The following PPM1E variants were observed in gnomAD, a reference collection of about 807,000 sequenced individuals.
PPM1E encodes protein phosphatase, Mg2+/Mn2+ dependent 1E, also known as protein phosphatase 1E.
Under a neutral mutation model 65.9 loss-of-function variants are expected in PPM1E, and 20 were observed. The ratio of observed to expected loss-of-function variants is 0.30; its 90% CI spans 0.21 to 0.44. PPM1E has a LOEUF of 0.44. PPM1E is among the 20% of genes least tolerant of loss of function. The pLI is 1.00. For missense variants in PPM1E, 713 were observed against 953.1 expected (o/e 0.75, Z 3.32); for synonymous variants, 352 against 374.9 (o/e 0.94, Z 0.70).
At chr17:58,829,083 C>T (rs1027503564) in intron 1 of PPM1E, among the ~76,000 whole-genome samples, 3 of 151,820 alleles carry the variant, frequency 2.0e-5, no homozygotes, top group African/African-American at 7.3e-5. Flanking sequence ...ACTCTAGTTG[C>T]CCCGGCTGGA....
intron 1 of PPM1E, among the ~76,000 whole-genome samples, chr17:58,921,579 G>C (rs1031347599): frequency 1.3e-5 from 2 of 151,482 alleles, no homozygotes; most frequent in African/African-American, 4.9e-5. Flanking sequence ...TAGGAGGATC[G>C]CTTGAACCTG....
intron 1 of PPM1E, among the ~76,000 whole-genome samples, chr17:58,865,592 C>T (rs1281252003): frequency 1.3e-5 from 2 of 151,426 alleles, no homozygotes; most frequent in Non-Finnish European, 2.9e-5. Context: ...TCGATTTACT[C>T]AGAAGGCTGA....
At chr17:58,788,375 C>A (rs2050124436) in intron 1 of PPM1E, among the ~76,000 whole-genome samples, 2 of 152,128 alleles carry the variant, frequency 1.3e-5, no homozygotes, top group Admixed American at 6.5e-5. Flanking sequence ...AGAGTGTATA[C>A]AGATTAACAA....
At chr17:58,770,031 AAACAACAAC>A (rs572541684) in intron 1 of PPM1E, among the ~76,000 whole-genome samples, 1 of 152,050 alleles carries the variant, frequency 6.6e-6, no homozygotes, top group Non-Finnish European at 1.5e-5. Context: ...TATCTAAAAA[AAACAACAAC>A]AACAAGAAAA....
chr17:58,946,978 G>T (rs982217916), intron 1 of PPM1E, among the ~76,000 whole-genome samples: 6 of 151,868 alleles, frequency 4.0e-5, no homozygotes, highest in Admixed American at 2.0e-4. Context: ...TTAGGTCTGT[G>T]ATGCATTTGG....
chr17:58,828,946 A>G (rs566920609), intron 1 of PPM1E, among the ~76,000 whole-genome samples: 1 of 152,314 alleles, frequency 6.6e-6, no homozygotes, highest in East Asian at 1.9e-4. Context: ...CAGTATAATC[A>G]TACCACAACT....
At chr17:58,772,328 C>G (rs550822702) in intron 1 of PPM1E, among the ~76,000 whole-genome samples, 1 of 151,976 alleles carries the variant, frequency 6.6e-6, no homozygotes, top group East Asian at 1.9e-4. Context: ...TGGTGGCGTG[C>G]GCCTGTAGCC....
intron 1 of PPM1E, among the ~76,000 whole-genome samples, chr17:58,885,741 T>C (rs558571077): frequency 6.6e-6 from 1 of 152,322 alleles, no homozygotes; most frequent in African/African-American, 2.4e-5. Flanking sequence ...TTTCTATCTA[T>C]CTGTCCTACG....
chr17:58,849,920 CTT>C (rs1330126612), intron 1 of PPM1E, among the ~76,000 whole-genome samples: 1 of 152,132 alleles, frequency 6.6e-6, no homozygotes, highest in African/African-American at 2.4e-5. Flanking sequence ...GTCTAAGTCT[CTT>C]TGTAGGTCTC....
At position 58,981,624 on chromosome 17, in the gene PPM1E, G is replaced by A. The variant is rs748092003; in HGVS notation, c.*593G>A. 5 of 152,580 alleles carry A rather than the reference G, an allele frequency of 3.3e-5. No individual in the cohort carries two copies. The highest frequency in any genetic ancestry group is 7.3e-5 in the Non-Finnish European group (5 of 68,042). 9.5% of individuals were successfully genotyped at this position (152,580 alleles called of 1,614,324 possible). A position where few individuals can be genotyped will look rare whatever the true frequency, so the allele number is the denominator to read the frequency against. On this transcript the variant is annotated 3_prime_UTR_variant, in exon 7 of 7. Transcript: ENST00000308249. ...AGTGTCATATTCTCAGACTTGTGAG[G>A]CGGTTTATAGTCAGAAAGATTTACG...
At chr17:58,842,951 T>A (rs139388574) in intron 1 of PPM1E, among the ~76,000 whole-genome samples, 1 of 147,064 alleles carries the variant, frequency 6.8e-6, no homozygotes, top group African/African-American at 2.5e-5. Context: ...AAAAAAAAAG[T>A]TTAGAATGTT....
intron 1 of PPM1E, among the ~76,000 whole-genome samples, chr17:58,839,832 A>G (rs1410851798): frequency 6.6e-6 from 1 of 152,210 alleles, no homozygotes. Context: ...CAGCTCATAT[A>G]TAGTTAGATA....
intron 1 of PPM1E, among the ~76,000 whole-genome samples, chr17:58,824,622 C>T (rs1375373932): frequency 2.0e-5 from 3 of 150,526 alleles, no homozygotes; most frequent in African/African-American, 7.4e-5. Context: ...CGGAGTCTCG[C>T]TCGTCGCCCA....
chr17:58,808,367 T>C (rs1226526064), intron 1 of PPM1E, among the ~76,000 whole-genome samples: 34 of 152,206 alleles, frequency 2.2e-4, no homozygotes, highest in Admixed American at 2.2e-3. Context: ...GAAATTATAT[T>C]GAATTACTTT....
At chr17:58,892,170 C>G (rs2051355920) in intron 1 of PPM1E, among the ~76,000 whole-genome samples, 1 of 152,108 alleles carries the variant, frequency 6.6e-6, no homozygotes, top group African/African-American at 2.4e-5. Context: ...AAAGACTTAG[C>G]ACAGAAATGC....
chr17:58,863,426 CA>C (rs1385759050), intron 1 of PPM1E, among the ~76,000 whole-genome samples: 1 of 152,196 alleles, frequency 6.6e-6, no homozygotes, highest in Non-Finnish European at 1.5e-5. Flanking sequence ...GTGCAGGCCC[CA>C]CAGCAGGATC....
chr17:58,874,323 A>T (rs993183981), intron 1 of PPM1E, among the ~76,000 whole-genome samples: 2 of 152,144 alleles, frequency 1.3e-5, no homozygotes, highest in African/African-American at 4.8e-5. Flanking sequence ...GTTGCTGAAG[A>T]GATTGTAGGT....
chr17:58,772,186 C>T (rs541603868), intron 1 of PPM1E, among the ~76,000 whole-genome samples: 33 of 151,220 alleles, frequency 2.2e-4, no homozygotes, highest in Non-Finnish European at 4.0e-4. Context: ...AGGCTGGGCG[C>T]GGTGGCTCAC....
At chr17:58,789,870 T>A (rs2050139669) in intron 1 of PPM1E, among the ~76,000 whole-genome samples, 1 of 152,136 alleles carries the variant, frequency 6.6e-6, no homozygotes, top group Non-Finnish European at 1.5e-5. Flanking sequence ...AATCTCATTT[T>A]ATCAAGAAGC....
Sources: allele counts gnomAD v4.1 joint callset (sites outside exome capture counted in the v4.1 genomes callset), GRCh38; gene constraint gnomAD v4.1.1; transcripts MANE v1.5; gene names NCBI Gene and HGNC (gene_info 2026-07-23, HGNC 2026-07-21).